The following SRGAP3 variants were observed in gnomAD, a reference collection of about 807,000 sequenced individuals.
SRGAP3 encodes SLIT-ROBO Rho GTPase activating protein 3.
Under a neutral mutation model 121.1 loss-of-function variants are expected in SRGAP3, and 39 were observed. That is an observed-to-expected ratio of 0.32 (90% CI 0.25 to 0.42). The LOEUF (loss-of-function observed/expected upper bound fraction) is 0.42. Ranked by LOEUF, SRGAP3 falls within the 10% of genes least tolerant of loss-of-function variation. The pLI, the probability that SRGAP3 is intolerant of heterozygous loss-of-function variation, is 1.00. For missense variants in SRGAP3, 1,213 were observed against 1,470.6 expected (o/e 0.82, Z 2.86); for synonymous variants, 601 against 570.0 (o/e 1.05, Z -0.77).
Position 9,096,078 on chromosome 3 carries a change from C to A in SRGAP3, c.423+8602G>T, listed in dbSNP as rs111707377. 3.9e-5 allele frequency among the ~76,000 whole-genome samples: 6 copies of A among 152,094 alleles called. 1 individual carries two copies. The highest frequency in any genetic ancestry group is 1.2e-4 in the African/African-American group (5 of 41,518). On this transcript the variant is annotated intron_variant, in intron 3 of 21. Coordinates refer to ENST00000383836, the MANE Select transcript of SRGAP3 (RefSeq NM_014850.4). ...CAGAGTGAAACCCATCTCAAAAAAA[C>A]AAACAAACAAAACAAAACACAAAAA... is the stretch of plus-strand genomic sequence containing the variant.
At chr3:9,095,620 C>T (rs1047298900) in intron 3 of SRGAP3, among the ~76,000 whole-genome samples, 3 of 152,190 alleles carry the variant, frequency 2.0e-5, no homozygotes, top group Non-Finnish European at 4.4e-5. Context: ...GCACCACTGT[C>T]GTTTACCAAG....
intron 1 of SRGAP3, among the ~76,000 whole-genome samples, chr3:9,165,573 C>T (rs1950757596): frequency 6.6e-6 from 1 of 152,216 alleles, no homozygotes; most frequent in Non-Finnish European, 1.5e-5. Flanking sequence ...ACCCCTCCTG[C>T]TTAAAACCCA....
chr3:9,335,719 A>G (rs916747137), intron 1 of SRGAP3, among the ~76,000 whole-genome samples: 1 of 152,190 alleles, frequency 6.6e-6, no homozygotes, highest in South Asian at 2.1e-4. Context: ...TATCGGGAAG[A>G]CTTCACACTG....
At chr3:9,310,711 G>T (rs1043537135) in intron 3 of SRGAP3, among the ~76,000 whole-genome samples, 1 of 152,138 alleles carries the variant, frequency 6.6e-6, no homozygotes, top group Non-Finnish European at 1.5e-5. Context: ...GAAGAAAGAA[G>T]GATCAAACTA....
intron 3 of SRGAP3, among the ~76,000 whole-genome samples, chr3:9,316,111 C>T (rs1040135346): frequency 2.6e-5 from 4 of 151,942 alleles, no homozygotes; most frequent in South Asian, 2.1e-4. Context: ...TGCAGTGGCA[C>T]GATCTCAGCT....
rs565875199 is a variant in SRGAP3, at chr3:9,357,164, G to C, written n.214+5676C>G. On this transcript the variant is annotated intron_variant and non_coding_transcript_variant, in intron 1 of 3. Coordinates refer to the SRGAP3 transcript ENST00000490889. ...AGAGGCTGAGGTGGGAGAGTCGCTTGAGCCTGGGAGCCAGAGGCTGCAGTG... is the reference window on the plus strand; with the variant it reads ...AGAGGCTGAGGTGGGAGAGTCGCTTCAGCCTGGGAGCCAGAGGCTGCAGTG... Among the ~76,000 whole-genome samples, 33 of 152,102 alleles carry C rather than the reference G, an allele frequency of 2.2e-4. No individual in the cohort carries two copies. In the South Asian group the frequency reaches 6.8e-3, roughly 32 times the overall value.
In SRGAP3 at chr3:8,985,387, A is replaced by G; in HGVS notation, c.*132T>C. ...GCCAGCGCCCGGGCCTCAGCTCTGCACAGACACACCCTCCCAGACGGACCT... is the reference window on the plus strand; with the variant it reads ...GCCAGCGCCCGGGCCTCAGCTCTGCGCAGACACACCCTCCCAGACGGACCT... On this transcript the variant is annotated 3_prime_UTR_variant, in exon 22 of 22. Coordinates refer to ENST00000383836, the MANE Select transcript of SRGAP3 (RefSeq NM_014850.4). This position sits in a 1 kb window ranked among gnomAD's most constrained non-coding sequence, Gnocchi z 5.1. 2.0e-6 allele frequency: 3 copies of G among 1,482,146 alleles called. No homozygotes were observed. Among genetic ancestry groups the G allele is most frequent in the Non-Finnish European group, 2.7e-6 (3 of 1,121,566 alleles). 91.8% of individuals were successfully genotyped at this position (1,482,146 alleles called of 1,614,324 possible). A position where few individuals can be genotyped will look rare whatever the true frequency, so the allele number is the denominator to read the frequency against.
chr3:9,214,268 G>T (rs895623310), intron 1 of SRGAP3, among the ~76,000 whole-genome samples: 1 of 152,078 alleles, frequency 6.6e-6, no homozygotes, highest in African/African-American at 2.4e-5. Context: ...ACCCTTAACA[G>T]TTTGCAAAGA....
In SRGAP3 at chr3:9,001,032, A is replaced by C. The variant is rs190013114; in HGVS notation, c.2228-6509T>G. ...TGGTAAACCTTAGAGAAACTGCTAA[A>C]AAATAACTCAAAAATAGTAAGAGCA... On this transcript the variant is annotated intron_variant, in intron 18 of 21. Transcript: ENST00000383836. Among the ~76,000 whole-genome samples the C allele has an allele frequency of 2.0e-4, 31 of 152,378 alleles. 1 individual carries two copies. Among genetic ancestry groups the C allele is most frequent in the African/African-American group, 7.5e-4 (31 of 41,600 alleles).
intron 3 of SRGAP3, among the ~76,000 whole-genome samples, chr3:9,264,891 C>T (rs533742466): frequency 6.6e-6 from 1 of 152,030 alleles, no homozygotes; most frequent in African/African-American, 2.4e-5. Flanking sequence ...TCATATGAAA[C>T]CAAAAAAAGA....
In SRGAP3 at chr3:8,990,833, C is replaced by A; in HGVS notation, c.2565G>T (p.Arg855=). 1.3e-6 allele frequency: 2 copies of A among 1,537,892 alleles called. No individual in the cohort carries two copies. The highest frequency in any genetic ancestry group is 2.0e-5 in the Admixed American group (1 of 50,424). The change falls in exon 21 of 22, where the codon CGG becomes CGT. Residue 855 remains arginine, a synonymous_variant. Transcript: ENST00000383836. Reference sequence around the variant, plus strand: ...GGATGGCTGCTCCATCAGATCGTAACCGCACTCTGCAAAGGAGCCAGGGGG... The same window carrying A: ...GGATGGCTGCTCCATCAGATCGTAAACGCACTCTGCAAAGGAGCCAGGGGG... The part of the protein sequence containing the change: ...YGFGGVMGRV[R]LRSDGAAIPR...
intron 1 of SRGAP3, among the ~76,000 whole-genome samples, chr3:9,226,987 C>CA (rs1211556444): frequency 1.3e-5 from 2 of 152,010 alleles, no homozygotes; most frequent in African/African-American, 2.4e-5. Context: ...TCCTCCAGGT[C>CA]AAAAAAACCC....
chr3:9,247,226 C>T (rs1228117837), intron 1 of SRGAP3, among the ~76,000 whole-genome samples: 1 of 152,176 alleles, frequency 6.6e-6, no homozygotes, highest in Non-Finnish European at 1.5e-5. Context: ...AAGATTGAAA[C>T]TAGGCTTTTG....
intron 14 of SRGAP3, chr3:9,015,994 T>A (rs1943619114): frequency 2.0e-6 from 1 of 509,928 alleles, no homozygotes; most frequent in Admixed American, 3.3e-5. Flanking sequence ...TCTTGCCACA[T>A]TTGATTTCTC....
chr3:9,065,857 G>C (rs1946405302), intron 4 of SRGAP3, among the ~76,000 whole-genome samples: 1 of 152,112 alleles, frequency 6.6e-6, no homozygotes, highest in Admixed American at 6.5e-5. Flanking sequence ...AAATACCCAG[G>C]CGTGGGATGG....
chr3:9,314,587 G>C (rs1007571191), intron 3 of SRGAP3, among the ~76,000 whole-genome samples: 31 of 152,046 alleles, frequency 2.0e-4, no homozygotes, highest in Admixed American at 2.0e-3. Flanking sequence ...TGTAATACTG[G>C]GTGAGTTTTT....
intron 4 of SRGAP3, among the ~76,000 whole-genome samples, chr3:9,072,320 C>T (rs1946760906): frequency 6.6e-6 from 1 of 152,248 alleles, no homozygotes; most frequent in Non-Finnish European, 1.5e-5. Flanking sequence ...TCATCACCCC[C>T]TCTTCCATGT....
chr3:9,077,829 C>T (rs1165419567), intron 4 of SRGAP3, among the ~76,000 whole-genome samples: 1 of 152,218 alleles, frequency 6.6e-6, no homozygotes, highest in East Asian at 1.9e-4. Flanking sequence ...CTTGTCCAGT[C>T]TACAAACCAC....
chr3:9,267,543 C>T (rs532040764), intron 3 of SRGAP3, among the ~76,000 whole-genome samples: 185 of 152,194 alleles, frequency 1.2e-3, no homozygotes, highest in Non-Finnish European at 2.0e-3. Flanking sequence ...TGGGTTTGTT[C>T]CCAAGGATGT....
Sources: allele counts gnomAD v4.1 joint callset (sites outside exome capture counted in the v4.1 genomes callset), GRCh38; gene constraint gnomAD v4.1.1; non-coding constraint Gnocchi (gnomAD v3.1); transcripts MANE v1.5; gene names NCBI Gene and HGNC (gene_info 2026-07-23, HGNC 2026-07-21).